Variants in KIAA1671 observed in about 807,000 individuals in gnomAD.
KIAA1671 encodes KIAA1671, also known as uncharacterized protein KIAA1671.
In KIAA1671, 52 loss-of-function variants were observed where a neutral mutation model predicts 131.2. That is an observed-to-expected ratio of 0.40 (90% confidence interval 0.32 to 0.50). The LOEUF (loss-of-function observed/expected upper bound fraction) is 0.50. KIAA1671 is among the 20% of genes least tolerant of loss of function. The pLI is 0.73. For synonymous variants in KIAA1671, 1,003 were observed against 961.6 expected, an observed-to-expected ratio of 1.04 and a Z score of -0.80; for missense variants, 2,360 against 2,364.2, an observed-to-expected ratio of 1.00 and a Z score of 0.04.
At chr22:24,955,635 T>G (rs541897336) in intron 1 of KIAA1671, among the ~76,000 whole-genome samples, 3 of 152,152 alleles carry the variant, frequency 2.0e-5, no homozygotes, top group African/African-American at 7.2e-5. Flanking sequence ...GGGTCAGATG[T>G]GTGTTTTGGG....
At chr22:25,108,664 A>AGAAGTATT (rs1174220343) in intron 6 of KIAA1671, among the ~76,000 whole-genome samples, 1 of 152,092 alleles carries the variant, frequency 6.6e-6, no homozygotes, top group Non-Finnish European at 1.5e-5. Context: ...TGGATATATC[A>AGAAGTATT]ATGTAAGGTA....
intron 9 of KIAA1671, among the ~76,000 whole-genome samples, chr22:25,178,767 G>A (rs1177210050): frequency 1.3e-5 from 2 of 152,088 alleles, no homozygotes; most frequent in Non-Finnish European, 2.9e-5. Context: ...ATTAAGGAAA[G>A]CTGCAGCCCC....
At chr22:25,120,564 T>C (rs920183460) in intron 6 of KIAA1671, among the ~76,000 whole-genome samples, 1 of 152,210 alleles carries the variant, frequency 6.6e-6, no homozygotes, top group Non-Finnish European at 1.5e-5. Flanking sequence ...GTTAATCTCC[T>C]TTCCTGTCTC....
intron 6 of KIAA1671, among the ~76,000 whole-genome samples, chr22:25,079,429 G>A (rs191311667): frequency 2.0e-5 from 3 of 152,266 alleles, no homozygotes; most frequent in East Asian, 1.9e-4. Flanking sequence ...CAATGGGTAT[G>A]TGTAAGAACG....
intron 6 of KIAA1671, among the ~76,000 whole-genome samples, chr22:25,165,003 G>GT (rs1933597118): frequency 6.7e-6 from 1 of 150,272 alleles, no homozygotes. Context: ...GTGTGTGTGT[G>GT]TGTGTGTGTG....
intron 5 of KIAA1671, 131 bp from the exon 6 acceptor site, chr22:25,049,099 T>TG: frequency 9.0e-7 from 1 of 1,113,562 alleles, no homozygotes; most frequent in Non-Finnish European, 1.2e-6. Context: ...ATCATTAAAG[T>TG]GGGGGATTTC....
intron 6 of KIAA1671, among the ~76,000 whole-genome samples, chr22:25,125,957 C>T (rs746452272): frequency 3.3e-5 from 5 of 152,178 alleles, no homozygotes; most frequent in Non-Finnish European, 7.3e-5. Context: ...TCTGATAAAG[C>T]GTTTTTCTTT....
intron 6 of KIAA1671, among the ~76,000 whole-genome samples, chr22:25,164,187 T>G (rs1017718895): frequency 6.6e-6 from 1 of 152,192 alleles, no homozygotes; most frequent in African/African-American, 2.4e-5. Flanking sequence ...GAGAGCCTCC[T>G]GATGCATCAT....
intron 9 of KIAA1671, among the ~76,000 whole-genome samples, chr22:25,181,009 T>C (rs1309344493): frequency 6.6e-6 from 1 of 152,200 alleles, no homozygotes; most frequent in Non-Finnish European, 1.5e-5. Flanking sequence ...TGTGTTTTCT[T>C]AGCGTACCTC....
At chr22:25,101,986 CAG>C (rs765830282) in intron 6 of KIAA1671, among the ~76,000 whole-genome samples, 2 of 152,154 alleles carry the variant, frequency 1.3e-5, no homozygotes, top group Admixed American at 6.5e-5. Context: ...GGAGGTGTCT[CAG>C]AGGCGGGAGT....
chr22:25,106,477 C>T (rs958985928), intron 6 of KIAA1671, among the ~76,000 whole-genome samples: 15 of 152,148 alleles, frequency 9.9e-5, no homozygotes, highest in South Asian at 2.1e-4. Context: ...CTAGCTGCAT[C>T]GATGGAAATG....
chr22:25,060,114 C>G (rs1928081318), intron 6 of KIAA1671: 2 of 152,200 alleles, frequency 1.3e-5, no homozygotes, highest in Non-Finnish European at 2.9e-5. Context: ...CATCCCAGCT[C>G]TTCCTTGCCC....
chr22:25,052,580 C>T (rs1927596038), intron 6 of KIAA1671: 1 of 152,288 alleles, frequency 6.6e-6, no homozygotes, highest in Non-Finnish European at 1.5e-5. Flanking sequence ...AGTCCATGCT[C>T]TTAAGTGTCT....
At chr22:25,041,934 G>A (rs901542580) in intron 5 of KIAA1671, among the ~76,000 whole-genome samples, 4 of 151,958 alleles carry the variant, frequency 2.6e-5, no homozygotes, top group African/African-American at 7.3e-5. Flanking sequence ...TGTAGAGACA[G>A]GGTTTTGCCA....
rs3063202 is a variant in KIAA1671, at chr22:25,042,463, G to GTTTT, written c.4395+956_4395+959dup. ...TGGTTTTGGGTTCCAGCAGTCCCTT[G>GTTTT]TTTTTTTTTTTTTTTTTTTTTGAGA... On this transcript the variant is annotated intron_variant, in intron 5 of 12. Coordinates refer to ENST00000358431, the MANE Select transcript of KIAA1671 (RefSeq NM_001145206.2). 2.9e-3 allele frequency among the ~76,000 whole-genome samples: 305 copies of GTTTT among 104,838 alleles called. 8 individuals are homozygous for GTTTT. Among genetic ancestry groups the GTTTT allele is most frequent in the African/African-American group, 3.9e-3 (102 of 26,412 alleles). 68.8% of individuals were successfully genotyped at this position (104,838 alleles called of 152,430 possible). A position where few individuals can be genotyped will look rare whatever the true frequency, so the allele number is the denominator to read the frequency against.
chr22:25,186,855 G>C (rs1251074076), intron 11 of KIAA1671, among the ~76,000 whole-genome samples: 1 of 152,352 alleles, frequency 6.6e-6, no homozygotes, highest in Non-Finnish European at 1.5e-5. Context: ...CCCTGCTCTG[G>C]TAATGCCAGA....
At chr22:25,162,224 T>C (rs1933470834) in intron 6 of KIAA1671, among the ~76,000 whole-genome samples, 1 of 152,194 alleles carries the variant, frequency 6.6e-6, no homozygotes, top group South Asian at 2.1e-4. Context: ...TGCTTGGCCA[T>C]GGTACTGGTC....
chr22:25,116,585 C>T (rs1279757129), intron 6 of KIAA1671, among the ~76,000 whole-genome samples: 1 of 151,902 alleles, frequency 6.6e-6, no homozygotes, highest in African/African-American at 2.4e-5. Flanking sequence ...CCACACCCGG[C>T]TAATTTTTGT....
chr22:25,003,526 C>G (rs1924584293), intron 1 of KIAA1671, among the ~76,000 whole-genome samples: 1 of 150,500 alleles, frequency 6.6e-6, no homozygotes, highest in African/African-American at 2.5e-5. Flanking sequence ...ATTCTCCTGC[C>G]TTGGCCTCCT....
Sources: gnomAD v4.1 joint callset for allele counts (sites outside exome capture counted in the v4.1 genomes callset) on GRCh38, gnomAD v4.1.1 for gene constraint, MANE v1.5 for transcripts, NCBI Gene and HGNC (gene_info 2026-07-23, HGNC 2026-07-21) for gene names.